CIITA: variants seen among roughly 807,000 people sequenced by gnomAD.
The protein encoded by CIITA is class II major histocompatibility complex transactivator, also known as MHC class II transactivator.
CIITA carries 72 observed loss-of-function variants against 115.1 expected under a neutral mutation model. The observed-to-expected ratio is 0.63, with a 90% confidence interval of 0.52 to 0.76. The LOEUF is 0.76. Among genes scored for constraint, CIITA ranks in the 30% least tolerant of loss-of-function variants. The probability of loss-of-function intolerance (pLI) is 0.00; values close to 1 mark genes in which losing one functional copy is unlikely to be tolerated. For synonymous variants in CIITA, 763 were observed against 635.6 expected (o/e 1.20, Z -3.02); for missense variants, 1,617 against 1,463.8 (o/e 1.10, Z -1.71).
intron 1 of CIITA, among the ~76,000 whole-genome samples, chr16:10,869,800 C>T (rs866870163): frequency 2.6e-5 from 4 of 152,242 alleles, no homozygotes; most frequent in South Asian, 2.1e-4. Flanking sequence ...TGAGCCACTG[C>T]GCCTGGCTCC....
intron 15 of CIITA, among the ~76,000 whole-genome samples, chr16:10,917,282 C>T (rs1192339314): frequency 6.6e-6 from 1 of 151,588 alleles, no homozygotes; most frequent in Non-Finnish European, 1.5e-5. Context: ...CTCAAGCAAT[C>T]CTCCCATCTC....
chr16:10,905,455 G>A (rs1053128817), intron 10 of CIITA, among the ~76,000 whole-genome samples: 2 of 152,156 alleles, frequency 1.3e-5, no homozygotes, highest in Non-Finnish European at 2.9e-5. Context: ...AGCTTAGTGA[G>A]TAAATGAAGG....
chr16:10,902,849 T>G (rs771443378), intron 8 of CIITA, 48 bp downstream of exon 8: 37 of 1,610,102 alleles, frequency 2.3e-5, no homozygotes, highest in Non-Finnish European at 2.9e-5. Context: ...CCTACCTGAC[T>G]GCTCCCTGAC....
rs2040675999 is a variant in CIITA, at chr16:10,929,356, C to T, written c.*5501C>T. The T allele has an allele frequency of 7.1e-6, 7 of 985,898 alleles. No individual in the cohort carries two copies. The highest frequency in any genetic ancestry group is 9.4e-5 in the South Asian group (2 of 21,288). 61.1% of individuals were successfully genotyped at this position (985,898 alleles called of 1,614,324 possible). Reference sequence around the variant, plus strand: ...TGGCTGGGTTCCTGTAAACATCCATCGCAGCTGCAAATAATCAGAAGCCAA... The same window carrying T: ...TGGCTGGGTTCCTGTAAACATCCATTGCAGCTGCAAATAATCAGAAGCCAA... On this transcript the variant is annotated 3_prime_UTR_variant, in exon 20 of 20. Coordinates refer to ENST00000324288, the MANE Select transcript of CIITA (RefSeq NM_000246.4). The surrounding 1 kb of genome is among the most constrained non-coding windows in gnomAD (Gnocchi z 4.3).
At chr16:10,918,913 G>A (rs974410708) in intron 16 of CIITA, among the ~76,000 whole-genome samples, 2 of 152,120 alleles carry the variant, frequency 1.3e-5, no homozygotes, top group South Asian at 2.1e-4. Context: ...CTTACATGCC[G>A]GTCAGTGTTT....
chr16:10,868,741 G>A (rs1437777886), intron 1 of CIITA, among the ~76,000 whole-genome samples: 2 of 152,002 alleles, frequency 1.3e-5, no homozygotes, highest in African/African-American at 2.4e-5. Context: ...CCCTCTTTCC[G>A]AGAGTGCTGG....
intron 1 of CIITA, among the ~76,000 whole-genome samples, chr16:10,868,018 T>G (rs1175277631): frequency 6.6e-6 from 1 of 152,162 alleles, no homozygotes; most frequent in African/African-American, 2.4e-5. Flanking sequence ...CACCTTGGCC[T>G]CCCAAATTGC....
chr16:10,876,668 G>T (rs1333931453), upstream of CIITA, among the ~76,000 whole-genome samples: 2 of 152,160 alleles, frequency 1.3e-5, no homozygotes, highest in East Asian at 1.9e-4. Flanking sequence ...ACCATATTTG[G>T]GTTAACACTC....
chr16:10,902,067 C>T lies in CIITA; in HGVS notation c.511C>T (p.Leu171Phe), dbSNP rs901206559. The stretch of plus-strand genomic sequence containing the variant: ...GCCCCCCACTGTGGTGACTGGCAGT[C>T]TCCTAGTGGGACCAGTGAGCGACTG... The part of the protein sequence containing the change: ...AEPPTVVTGS[L>F]LVGPVSDCST... The change falls in exon 7 of 20, where the codon CTC (leucine) becomes TTC (phenylalanine). Residue 171 changes from leucine (L) to phenylalanine (F), a missense_variant. Leu to Phe is a conservative substitution (Grantham distance 22). Transcript: ENST00000324288. 1.2e-6 allele frequency: 2 copies of T among 1,614,048 alleles called. No individual in the cohort carries two copies. Among genetic ancestry groups the T allele is most frequent in the African/African-American group, 1.3e-5 (1 of 74,934 alleles).
At chr16:10,883,215 C>G (rs1437921487) in intron 1 of CIITA, among the ~76,000 whole-genome samples, 1 of 152,174 alleles carries the variant, frequency 6.6e-6, no homozygotes, top group Non-Finnish European at 1.5e-5. Flanking sequence ...ACTCCACCCC[C>G]TACCCCAGCA....
At chr16:10,871,511 TCA>T (rs1372074755) in intron 1 of CIITA, among the ~76,000 whole-genome samples, 2 of 152,232 alleles carry the variant, frequency 1.3e-5, no homozygotes, top group African/African-American at 4.8e-5. Flanking sequence ...CCATGAGGTC[TCA>T]GTTCTAGGAA....
chr16:10,940,717 C>T (rs1445581771), downstream of CIITA: 3 of 152,448 alleles, frequency 2.0e-5, no homozygotes, highest in Admixed American at 2.0e-4. This position sits in a 1 kb window ranked among gnomAD's most constrained non-coding sequence, Gnocchi z 4.2. Flanking sequence ...CCTGGACCTT[C>T]ATTTCCCTAC....
chr16:10,930,861 G>A lies in CIITA; in HGVS notation c.*7006G>A, dbSNP rs954448105. ...GGCTGTAAGTGCAGGCAGAGCTAAT[G>A]TCTCTCCATAGCTGCCCTCCACCAG... On this transcript the variant is annotated 3_prime_UTR_variant, in exon 20 of 20. Coordinates refer to ENST00000324288, the MANE Select transcript of CIITA (RefSeq NM_000246.4). 6.6e-6 allele frequency: 1 copy of A among 152,230 alleles called. No individual in the cohort carries two copies. The highest frequency in any genetic ancestry group is 2.4e-5 in the African/African-American group (1 of 41,442). 9.4% of individuals were successfully genotyped at this position (152,230 alleles called of 1,614,324 possible).
chr16:10,878,839 C>G, intron 1 of CIITA: 1 of 230,536 alleles, frequency 4.3e-6, no homozygotes, highest in Middle Eastern at 1.3e-3. Flanking sequence ...TGATAAAGCA[C>G]GTGGTGGCCA....
At chr16:10,916,240 C>G in intron 14 of CIITA, 127 bp from the exon 15 acceptor site, 1 of 834,674 alleles carries the variant, frequency 1.2e-6, no homozygotes, top group South Asian at 1.4e-5. Context: ...TGCCGGCTGC[C>G]TATGGTGTAT....
chr16:10,901,554 GC>G lies in CIITA; in HGVS notation c.479del (p.Pro160GlnfsTer8). 6.2e-7 allele frequency: 1 copy of G among 1,614,040 alleles called. No homozygotes were observed. The highest frequency in any genetic ancestry group is 8.5e-7 in the Non-Finnish European group (1 of 1,180,014). Reference sequence around the variant, plus strand: ...TTCCGGCAGACCTGAAGCACTGGAAGCCAGGTGTGCAGGGCAGGTGGGCTGG... The same window carrying G: ...TTCCGGCAGACCTGAAGCACTGGAAGCAGGTGTGCAGGGCAGGTGGGCTGG... The part of the protein sequence containing the change: ...ELPADLKHWK[P>X]AEPPTVVTGS... On this transcript the variant is annotated frameshift_variant, in exon 6 of 20. Transcript: ENST00000324288. LOFTEE classifies it high-confidence loss of function. The surrounding 1 kb of genome is among the most constrained non-coding windows in gnomAD (Gnocchi z 6.8).
chr16:10,899,008 T>C lies in CIITA; in HGVS notation c.436+6T>C. 1.2e-6 allele frequency: 2 copies of C among 1,613,856 alleles called. No individual in the cohort carries two copies. Among genetic ancestry groups the C allele is most frequent in the East Asian group, 2.2e-5 (1 of 44,856 alleles). On this transcript the variant is annotated splice_donor_region_variant and intron_variant, in intron 5 of 19. Coordinates refer to ENST00000324288, the MANE Select transcript of CIITA (RefSeq NM_000246.4). ...GCAGAAAAGTCAGAAAAGACGTGAG[T>C]GAGCCCCTCCCTGATCCAACCTAGC...
chr16:10,910,458 G>C (rs946993767), intron 13 of CIITA, among the ~76,000 whole-genome samples, 199 bp downstream of exon 13: 29 of 152,206 alleles, frequency 1.9e-4, no homozygotes, highest in African/African-American at 7.0e-4. Context: ...GAAGCTAATG[G>C]ACCCGTTTGC....
At chr16:10,885,651 C>G (rs182664920) in intron 1 of CIITA, among the ~76,000 whole-genome samples, 2 of 152,312 alleles carry the variant, frequency 1.3e-5, no homozygotes, top group Non-Finnish European at 2.9e-5. Flanking sequence ...GCTCCTCCCC[C>G]ATCCTGCTCC....
Sources: gnomAD v4.1 joint callset for allele counts (sites outside exome capture counted in the v4.1 genomes callset) on GRCh38, gnomAD v4.1.1 for gene constraint, Gnocchi (gnomAD v3.1) non-coding constraint, MANE v1.5 for transcripts, NCBI Gene and HGNC (gene_info 2026-07-23, HGNC 2026-07-21) for gene names.